OCA2: variants seen among roughly 807,000 people sequenced by gnomAD.
OCA2 encodes P protein.
OCA2 carries 77 observed loss-of-function variants against 100.2 expected under a neutral mutation model. That is an observed-to-expected ratio of 0.77 (90% CI 0.64 to 0.93). The LOEUF is 0.93. Among genes scored for constraint, OCA2 ranks in the 40% least tolerant of loss-of-function variants. OCA2 has a pLI of 0.00. For synonymous variants in OCA2, 432 were observed against 439.2 expected, an observed-to-expected ratio of 0.98 and a Z score of 0.21; for missense variants, 1,062 against 1,089.1, an observed-to-expected ratio of 0.98 and a Z score of 0.35.
intron 14 of OCA2, among the ~76,000 whole-genome samples, chr15:27,972,435 A>G (rs1200936631): frequency 1.3e-5 from 2 of 152,268 alleles, no homozygotes; most frequent in African/African-American, 4.8e-5. Flanking sequence ...AGTATTTTCC[A>G]TAAGGGTTGT....
rs551792910 is a variant in OCA2, at chr15:27,770,858, C to T, written c.2433-15386G>A. ...CCTCCCTCTTTTCCTTCCTTCCTTT[C>T]TTCCTTCCTTCCCTCCTTCCTTTGC... On this transcript the variant is annotated intron_variant, in intron 23 of 23. Transcript: ENST00000354638. 2.6e-4 allele frequency among the ~76,000 whole-genome samples: 26 copies of T among 98,758 alleles called. No homozygotes were observed. The East Asian group carries it at 0.011, about 41-fold the overall frequency. 64.8% of individuals were successfully genotyped at this position (98,758 alleles called of 152,430 possible).
intron 23 of OCA2, among the ~76,000 whole-genome samples, chr15:27,797,908 G>A (rs2033415568): frequency 6.6e-6 from 1 of 152,262 alleles, no homozygotes; most frequent in East Asian, 1.9e-4. Flanking sequence ...CCTGGCCCTG[G>A]CCTGCCTGCA....
intron 19 of OCA2, among the ~76,000 whole-genome samples, chr15:27,907,370 C>T (rs1567089659): frequency 6.6e-6 from 1 of 151,808 alleles, no homozygotes; most frequent in African/African-American, 2.4e-5. Context: ...TTAAGGGATG[C>T]ATTTAAAGCA....
intron 23 of OCA2, among the ~76,000 whole-genome samples, chr15:27,810,440 G>A (rs1683707579): frequency 6.6e-6 from 1 of 152,204 alleles, no homozygotes; most frequent in African/African-American, 2.4e-5. Flanking sequence ...TCTGGACATT[G>A]GCCTGGGCAA....
At chr15:27,918,089 ATT>A (rs34943192) in intron 19 of OCA2, among the ~76,000 whole-genome samples, 1,747 of 103,162 alleles carry the variant, frequency 0.017, 8 homozygotes, top group Middle Eastern at 0.08. Flanking sequence ...CTCCCTCTTG[ATT>A]TTTTTTTTTT....
chr15:27,827,114 T>A (rs941815434), intron 23 of OCA2, among the ~76,000 whole-genome samples: 2 of 152,236 alleles, frequency 1.3e-5, no homozygotes, highest in African/African-American at 4.8e-5. Context: ...GATCCCACGA[T>A]GTTTTCATCA....
At chr15:27,992,038 T>C (rs1392624112) in intron 9 of OCA2, among the ~76,000 whole-genome samples, 1 of 152,186 alleles carries the variant, frequency 6.6e-6, no homozygotes, top group African/African-American at 2.4e-5. Flanking sequence ...TAAAATCCAA[T>C]AACTTGCTAC....
intron 23 of OCA2, among the ~76,000 whole-genome samples, chr15:27,801,789 G>A (rs1467823200): frequency 6.6e-6 from 1 of 151,736 alleles, no homozygotes; most frequent in East Asian, 1.9e-4. Context: ...TTCTTAACTT[G>A]GAAAAGAATA....
At chr15:27,919,973 A>G (rs1363955252) in intron 19 of OCA2, among the ~76,000 whole-genome samples, 2 of 152,180 alleles carry the variant, frequency 1.3e-5, no homozygotes, top group African/African-American at 2.4e-5. Flanking sequence ...AGAGCAATCA[A>G]CTGGGAATTA....
intron 4 of OCA2, among the ~76,000 whole-genome samples, chr15:28,026,376 C>T (rs565362518): frequency 2.0e-5 from 3 of 152,302 alleles, no homozygotes; most frequent in East Asian, 1.9e-4. Flanking sequence ...ACAGTGTCAG[C>T]GTTTGCCATC....
chr15:28,085,933 T>C (rs2044768439), intron 1 of OCA2, among the ~76,000 whole-genome samples: 1 of 152,212 alleles, frequency 6.6e-6, no homozygotes, highest in Non-Finnish European at 1.5e-5. Flanking sequence ...TCTGTTCTAC[T>C]GCAGCCTAAT....
chr15:28,003,540 C>T (rs1004011214), intron 9 of OCA2, among the ~76,000 whole-genome samples: 1 of 150,302 alleles, frequency 6.7e-6, no homozygotes, highest in East Asian at 1.9e-4. Context: ...TGTGGAAAAA[C>T]CACAGCCTAG....
At chr15:28,055,376 G>A (rs775834992) in intron 2 of OCA2, among the ~76,000 whole-genome samples, 9 of 152,210 alleles carry the variant, frequency 5.9e-5, no homozygotes, top group Admixed American at 2.0e-4. Flanking sequence ...AAGAAGCCTC[G>A]TCAAGTTGTA....
chr15:27,765,947 C>T (rs999779254), intron 23 of OCA2, among the ~76,000 whole-genome samples: 6 of 152,114 alleles, frequency 3.9e-5, no homozygotes, highest in Non-Finnish European at 7.4e-5. Context: ...CTAACTCATC[C>T]CGTGAATTAG....
chr15:28,037,406 G>A (rs2043077183), intron 2 of OCA2, among the ~76,000 whole-genome samples: 1 of 152,128 alleles, frequency 6.6e-6, no homozygotes, highest in African/African-American at 2.4e-5. Flanking sequence ...CAGAGCCTAT[G>A]CAGCAGTGAC....
intron 4 of OCA2, among the ~76,000 whole-genome samples, chr15:28,025,830 T>C (rs1277281597): frequency 6.6e-6 from 1 of 152,266 alleles, no homozygotes; most frequent in African/African-American, 2.4e-5. Flanking sequence ...AAACTCTATG[T>C]TGGAACATCT....
the OCA2 span, among the ~76,000 whole-genome samples, chr15:27,722,742 CT>C: frequency 1.6e-5 from 2 of 127,378 alleles, no homozygotes; most frequent in African/African-American, 6.0e-5. Context: ...TTTCTTTCTT[CT>C]TTCTTCTTCT....
intron 2 of OCA2, among the ~76,000 whole-genome samples, chr15:28,081,326 TAG>T (rs2044615191): frequency 6.6e-6 from 1 of 152,250 alleles, no homozygotes; most frequent in South Asian, 2.1e-4. Flanking sequence ...GCTATATGTA[TAG>T]AAATAAGGCA....
At position 27,851,378 on chromosome 15, in the gene OCA2, T is replaced by TTACCTC. The variant is rs1272618785; in HGVS notation, c.2336_2338+3dup. ...CCACCCCCATGCAGTCAGCAGCCCC[T>TTACCTC]TACCTCCCAGGCAAGCACCGAAGGC... On this transcript the variant is annotated splice_donor_region_variant and intron_variant, in intron 22 of 23. Coordinates refer to ENST00000354638, the MANE Select transcript of OCA2 (RefSeq NM_000275.3). The TTACCTC allele has an allele frequency of 1.9e-6, 3 of 1,613,264 alleles. No individual in the cohort carries two copies. The highest frequency in any genetic ancestry group is 2.5e-6 in the Non-Finnish European group (3 of 1,179,612).
Sources: gnomAD v4.1 joint callset for allele counts (sites outside exome capture counted in the v4.1 genomes callset) on GRCh38, gnomAD v4.1.1 for gene constraint, MANE v1.5 for transcripts, NCBI Gene and HGNC (gene_info 2026-07-23, HGNC 2026-07-21) for gene names.